Variants in TERB1 observed in about 807,000 individuals in gnomAD.
The protein encoded by TERB1 is telomere repeats-binding bouquet formation protein 1.
In TERB1, 63 loss-of-function variants were observed where a neutral mutation model predicts 92.3. The observed-to-expected ratio is 0.68, with a 90% confidence interval of 0.56 to 0.84. The LOEUF is 0.84. Ranked by LOEUF, TERB1 falls within the 40% of genes least tolerant of loss-of-function variation. The pLI is 0.00. For synonymous variants in TERB1, 252 were observed against 283.9 expected, an observed-to-expected ratio of 0.89 and a Z score of 1.13; for missense variants, 709 against 843.7, an observed-to-expected ratio of 0.84 and a Z score of 1.98.
Position 66,754,853 on chromosome 16 carries a change from A to C in TERB1, c.*123T>G, listed in dbSNP as rs891724941. The C allele has an allele frequency of 1.1e-6, 1 of 884,114 alleles. No individual in the cohort carries two copies. Among genetic ancestry groups the C allele is most frequent in the Non-Finnish European group, 1.7e-6 (1 of 582,274 alleles). 54.8% of individuals were successfully genotyped at this position (884,114 alleles called of 1,614,324 possible). ...AGTTTCAGCATCACAAAAACTGTTTAATGAAAACTGTATCCTCATTTCCAC... is the reference window on the plus strand; with the variant it reads ...AGTTTCAGCATCACAAAAACTGTTTCATGAAAACTGTATCCTCATTTCCAC... On this transcript the variant is annotated 3_prime_UTR_variant, in exon 19 of 19. Coordinates refer to ENST00000433154, the MANE Select transcript of TERB1 (RefSeq NM_001136505.2).
At chr16:66,775,982 T>C (rs2018541877) in intron 11 of TERB1, among the ~76,000 whole-genome samples, 1 of 151,964 alleles carries the variant, frequency 6.6e-6, no homozygotes, top group Admixed American at 6.5e-5. Context: ...AGTGCTGGAA[T>C]TACAGGTGTG....
intron 2 of TERB1, among the ~76,000 whole-genome samples, chr16:66,798,871 C>T (rs1269447065): frequency 6.6e-6 from 1 of 152,094 alleles, no homozygotes; most frequent in Non-Finnish European, 1.5e-5. Context: ...TCACAATAAC[C>T]TTATGAGGGA....
chr16:66,758,106 A>C (rs1239308726), intron 18 of TERB1, among the ~76,000 whole-genome samples: 1 of 152,218 alleles, frequency 6.6e-6, no homozygotes, highest in Non-Finnish European at 1.5e-5. Flanking sequence ...TTTGAATCTA[A>C]GTTCTGCCAC....
Position 66,766,297 on chromosome 16 carries a change from T to A in TERB1, c.1780+1118A>T, listed in dbSNP as rs116869314. ...TTAAAATGTGGAGAAAAAAAAGATA[T>A]GAGATTCAGCTTATGGCTGGACATC... is the stretch of plus-strand genomic sequence containing the variant. On this transcript the variant is annotated intron_variant, in intron 16 of 18. Transcript: ENST00000433154. Among the ~76,000 whole-genome samples the A allele has an allele frequency of 3.7e-3, 571 of 152,280 alleles. 4 individuals are homozygous for A. The highest frequency in any genetic ancestry group is 6.8e-3 in the South Asian group (33 of 4,828).
chr16:66,792,952 CACT>C (rs1292558313), intron 3 of TERB1, among the ~76,000 whole-genome samples: 2 of 151,792 alleles, frequency 1.3e-5, no homozygotes, highest in Non-Finnish European at 2.9e-5. Context: ...CATTATTGTA[CACT>C]ACTGTAGACT....
At chr16:66,784,963 T>A (rs1384308825) in intron 9 of TERB1, among the ~76,000 whole-genome samples, 1 of 150,344 alleles carries the variant, frequency 6.7e-6, no homozygotes, top group Non-Finnish European at 1.5e-5. Flanking sequence ...CCTCAAGCGA[T>A]CCACCTGCCT....
At chr16:66,759,333 T>C in intron 16 of TERB1, 43 bp from the exon 17 acceptor site, 2 of 1,425,014 alleles carry the variant, frequency 1.4e-6, no homozygotes, top group Non-Finnish European at 1.9e-6. Context: ...TGTCACAAAA[T>C]ATCTAGTAAC....
chr16:66,790,493 T>TA (rs954879658), intron 5 of TERB1, 102 bp downstream of exon 5: 196 of 854,148 alleles, frequency 2.3e-4, no homozygotes, highest in Admixed American at 6.2e-4. Flanking sequence ...TTCAAACATG[T>TA]AAAAAAAAGG....
chr16:66,771,110 G>T (rs1331878625), intron 13 of TERB1, among the ~76,000 whole-genome samples: 1 of 151,892 alleles, frequency 6.6e-6, no homozygotes, highest in African/African-American at 2.4e-5. Context: ...CTACTATAAT[G>T]AAATATGAAA....
At chr16:66,780,825 G>A (rs938472861) in intron 9 of TERB1, among the ~76,000 whole-genome samples, 4 of 152,180 alleles carry the variant, frequency 2.6e-5, no homozygotes, top group Non-Finnish European at 5.9e-5. Flanking sequence ...CACGGAAATA[G>A]ATTCCAATTT....
At chr16:66,764,603 G>C (rs1335363169) in intron 16 of TERB1, among the ~76,000 whole-genome samples, 1 of 152,202 alleles carries the variant, frequency 6.6e-6, no homozygotes, top group Non-Finnish European at 1.5e-5. Flanking sequence ...GGAGAGGCTT[G>C]AGACAAAGAC....
chr16:66,770,873 C>A (rs2018435706), intron 13 of TERB1, among the ~76,000 whole-genome samples: 1 of 151,932 alleles, frequency 6.6e-6, no homozygotes. Context: ...TTTTTTGAGA[C>A]AGGGTCTTGC....
intron 9 of TERB1, among the ~76,000 whole-genome samples, chr16:66,783,716 G>A (rs979752527): frequency 2.6e-5 from 4 of 151,994 alleles, no homozygotes; most frequent in East Asian, 1.9e-4. Flanking sequence ...TTTGTTTTGC[G>A]TTTTGTTGTT....
At chr16:66,791,465 T>C (rs2018834247) in intron 3 of TERB1, among the ~76,000 whole-genome samples, 1 of 151,612 alleles carries the variant, frequency 6.6e-6, no homozygotes, top group African/African-American at 2.4e-5. Context: ...CCAATATAGG[T>C]ACAATAAAGG....
In TERB1 at chr16:66,766,454, G is replaced by A. The variant is rs143815570; in HGVS notation, c.1780+961C>T. On this transcript the variant is annotated intron_variant, in intron 16 of 18. Coordinates refer to ENST00000433154, the MANE Select transcript of TERB1 (RefSeq NM_001136505.2). ...GCAAGATGAAAAAAGAGGAAATACC[G>A]GGGTGTGAAGGAGGAGGAGAAGGGA... Among the ~76,000 whole-genome samples the A allele has an allele frequency of 9.0e-4, 137 of 152,202 alleles. 3 individuals carry two copies. In the South Asian group the frequency reaches 0.015, roughly 17 times the overall value.
chr16:66,769,932 A>G, intron 14 of TERB1, 31 bp downstream of exon 14: 1 of 1,444,394 alleles, frequency 6.9e-7, no homozygotes, highest in South Asian at 1.3e-5. Flanking sequence ...TGCTGAATAA[A>G]TAAAAGTTAC....
At chr16:66,768,749 A>G (rs527532537) in intron 14 of TERB1, among the ~76,000 whole-genome samples, 171 of 152,328 alleles carry the variant, frequency 1.1e-3, no homozygotes, top group African/African-American at 3.7e-3. Flanking sequence ...GAGCTACTAC[A>G]TAGGAGAAAA....
chr16:66,763,562 C>T (rs908622702), intron 16 of TERB1, among the ~76,000 whole-genome samples: 3 of 152,104 alleles, frequency 2.0e-5, no homozygotes, highest in Non-Finnish European at 4.4e-5. Flanking sequence ...TATTGTCCGT[C>T]TCTCTCTTTT....
At chr16:66,757,422 A>G (rs1325525982) in intron 18 of TERB1, among the ~76,000 whole-genome samples, 1 of 152,196 alleles carries the variant, frequency 6.6e-6, no homozygotes, top group African/African-American at 2.4e-5. Context: ...GCTGAAAAAC[A>G]CCTATTATTA....
Sources: allele counts gnomAD v4.1 joint callset (sites outside exome capture counted in the v4.1 genomes callset), GRCh38; gene constraint gnomAD v4.1.1; transcripts MANE v1.5; gene names NCBI Gene and HGNC (gene_info 2026-07-23, HGNC 2026-07-21).